The following PTGDR variants were observed in gnomAD, a reference collection of about 807,000 sequenced individuals.
PTGDR encodes PGD2 receptor.
In PTGDR, 19 loss-of-function variants were observed where a neutral mutation model predicts 17.4. That is an observed-to-expected ratio of 1.09 (90% CI 0.76 to 1.60). PTGDR has a LOEUF of 1.60. Ranked by LOEUF, PTGDR falls within the 40% of genes most tolerant of loss-of-function variation. PTGDR has a pLI of 0.00. For synonymous variants in PTGDR, 267 were observed against 224.2 expected (o/e 1.19, Z -1.71); for missense variants, 526 against 481.9 (o/e 1.09, Z -0.86).
At chr14:52,279,827 C>T (rs1006014879), downstream of PTGDR, among the ~76,000 whole-genome samples, 6 of 150,820 alleles carry the variant, frequency 4.0e-5, no homozygotes, top group Non-Finnish European at 7.4e-5. Flanking sequence ...TGTTTAGAAC[C>T]GATCATGCTC....
chr14:52,277,555 C>T (rs1315387359), downstream of PTGDR, among the ~76,000 whole-genome samples: 1 of 152,186 alleles, frequency 6.6e-6, no homozygotes, highest in African/African-American at 2.4e-5. Flanking sequence ...GTTCCCCTGG[C>T]GAGTTCGTAA....
At chr14:52,279,122 T>C (rs1373319929), downstream of PTGDR, among the ~76,000 whole-genome samples, 1 of 152,120 alleles carries the variant, frequency 6.6e-6, no homozygotes, top group Non-Finnish European at 1.5e-5. Context: ...ATACTATAAA[T>C]ATATTGAATA....
downstream of PTGDR, among the ~76,000 whole-genome samples, chr14:52,277,153 G>T (rs1377374423): frequency 6.6e-6 from 1 of 152,236 alleles, no homozygotes; most frequent in Non-Finnish European, 1.5e-5. Flanking sequence ...TGGTTCATGA[G>T]TTGCTCGTTG....
chr14:52,268,753 C>T, intron 1 of PTGDR, 93 bp downstream of exon 1: 4 of 1,363,276 alleles, frequency 2.9e-6, no homozygotes, highest in African/African-American at 1.5e-5. Context: ...ATGGACGCGG[C>T]GCCAGGCGAG....
chr14:52,271,528 TGTG>T (rs1268370935), intron 1 of PTGDR, among the ~76,000 whole-genome samples: 4 of 152,136 alleles, frequency 2.6e-5, no homozygotes, highest in Non-Finnish European at 5.9e-5. Context: ...ACAAGGAAAA[TGTG>T]GGGATTTCAC....
rs894496594 is a variant in PTGDR, at chr14:52,276,154, C to T, written c.*1190C>T. ...GACTGAAAGGGAAAAGTGGAGGAAA[C>T]GCAGCTGCAACTGAAGCGGAGACTC... On this transcript the variant is annotated 3_prime_UTR_variant, in exon 2 of 2. Coordinates refer to ENST00000306051, the MANE Select transcript of PTGDR (RefSeq NM_000953.3). 1.3e-5 allele frequency: 2 copies of T among 152,138 alleles called. No homozygotes were observed. The highest frequency in any genetic ancestry group is 2.9e-5 in the Non-Finnish European group (2 of 68,044). The allele number at this position is 152,138 out of a possible 1,614,324, so 9.4% of individuals were successfully genotyped here.
chr14:52,273,539 C>T (rs192955148), intron 1 of PTGDR, among the ~76,000 whole-genome samples: 11 of 152,262 alleles, frequency 7.2e-5, no homozygotes, highest in Admixed American at 5.9e-4. Context: ...CCTCCGCCCC[C>T]GCCCGACTTC....
Position 52,267,725 on chromosome 14 carries a change from G to A in PTGDR, c.-90G>A, listed in dbSNP as rs369408574. The A allele has an allele frequency of 8.5e-5, 122 of 1,438,548 alleles. No individual in the cohort carries two copies. The East Asian group carries it at 2.0e-3, about 24-fold the overall frequency. 89.1% of individuals were successfully genotyped at this position (1,438,548 alleles called of 1,614,324 possible). ...GGCGCAGCTTCTCCGCCCGAGCCGC[G>A]CGCGGAGCTGCCGGGGGCTCCTTAG... On this transcript the variant is annotated 5_prime_UTR_variant, in exon 1 of 2. Coordinates refer to ENST00000306051, the MANE Select transcript of PTGDR (RefSeq NM_000953.3).
rs41312500 is a variant in PTGDR, at chr14:52,274,678, A to C, written c.847-53A>C. The C allele has an allele frequency of 1.4e-3, 2,045 of 1,431,790 alleles. 26 individuals are homozygous for C. In the African/African-American group the frequency reaches 0.025, roughly 17 times the overall value. 88.7% of individuals were successfully genotyped at this position (1,431,790 alleles called of 1,614,324 possible). ...TAACTTAGGTGAAGTAAGTGAATCC[A>C]TTGCTGCCATTAACCTTTCCACATC... On this transcript the variant is annotated intron_variant, in intron 1 of 1. Transcript: ENST00000306051.
In PTGDR at chr14:52,275,163, C is replaced by T. The variant is rs1358027985; in HGVS notation, c.*199C>T. 3.9e-6 allele frequency: 2 copies of T among 510,718 alleles called. No individual in the cohort carries two copies. The highest frequency in any genetic ancestry group is 6.5e-5 in the East Asian group (2 of 30,568). 31.6% of individuals were successfully genotyped at this position (510,718 alleles called of 1,614,324 possible). On this transcript the variant is annotated 3_prime_UTR_variant, in exon 2 of 2. Transcript: ENST00000306051. ...TCTATAGTCATGAACCCCTTCAGTG[C>T]ATTTTCATTTTTTTATTAACAGCAA...
chr14:52,277,447 C>CAA, downstream of PTGDR, among the ~76,000 whole-genome samples: 1 of 152,142 alleles, frequency 6.6e-6, no homozygotes, highest in Admixed American at 6.5e-5. Flanking sequence ...CAAGGAAATG[C>CAA]AAAAATAAAA....
chr14:52,268,298 G>A lies in PTGDR; in HGVS notation c.484G>A (p.Ala162Thr), dbSNP rs768633584. The A allele has an allele frequency of 1.2e-5, 20 of 1,613,758 alleles. No homozygotes were observed. The highest frequency in any genetic ancestry group is 1.5e-5 in the Non-Finnish European group (18 of 1,180,056). Residue 162 changes from alanine (A) to threonine (T), a missense_variant, in exon 1 of 2, where the codon GCT becomes ACT. Physicochemically the swap from Ala to Thr is moderately conservative, Grantham distance 58 (BLOSUM62 0). Transcript: ENST00000306051. The part of the protein sequence containing the change: ...VAPVVSAFSL[A>T]FCALPFMGFG... ...CCCGGTGGTGAGCGCCTTCTCCCTG[G>A]CTTTCTGCGCGCTACCTTTCATGGG...
At position 52,275,239 on chromosome 14, in the gene PTGDR, TATTA is replaced by T. The variant is rs2033402525; in HGVS notation, c.*279_*282del. 3.3e-6 allele frequency: 1 copy of T among 306,664 alleles called. No individual in the cohort carries two copies. The highest frequency in any genetic ancestry group is 6.1e-6 in the Non-Finnish European group (1 of 165,102). The allele number at this position is 306,664 out of a possible 1,614,324, so 19.0% of individuals were successfully genotyped here. A position where few individuals can be genotyped will look rare whatever the true frequency, so the allele number is the denominator to read the frequency against. ...TGTTAAAAGTCTTAAAAAACAATGG[TATTA>T]ATTGTCCCTACATTTGTGCTTGGTG... On this transcript the variant is annotated 3_prime_UTR_variant, in exon 2 of 2. Transcript: ENST00000306051.
chr14:52,278,783 A>G (rs546042821), downstream of PTGDR, among the ~76,000 whole-genome samples: 1 of 152,296 alleles, frequency 6.6e-6, no homozygotes, highest in East Asian at 1.9e-4. Flanking sequence ...TGCTGCAGAC[A>G]TTTAATTGGG....
chr14:52,273,544 G>A (rs1041145056), intron 1 of PTGDR, among the ~76,000 whole-genome samples: 7 of 152,238 alleles, frequency 4.6e-5, no homozygotes, highest in South Asian at 2.1e-4. Flanking sequence ...GCCCCCGCCC[G>A]ACTTCAGATG....
At chr14:52,269,859 T>C (rs4901265) in intron 1 of PTGDR, among the ~76,000 whole-genome samples, 26,645 of 152,106 alleles carry the variant, frequency 0.18, 2,561 homozygotes, top group Middle Eastern at 0.29. Context: ...CATATAGCAG[T>C]GGTCTTCAGA....
downstream of PTGDR, chr14:52,276,855 CACTT>C (rs1363487780): frequency 2.0e-5 from 3 of 152,098 alleles, no homozygotes; most frequent in Admixed American, 6.6e-5. Flanking sequence ...GTCCGATTAA[CACTT>C]ACATTACTTT....
At chr14:52,269,702 C>G (rs1231081547) in intron 1 of PTGDR, among the ~76,000 whole-genome samples, 1 of 152,110 alleles carries the variant, frequency 6.6e-6, no homozygotes, top group Admixed American at 6.5e-5. Flanking sequence ...AAATACAAAG[C>G]GATTTTCCTT....
chr14:52,270,659 G>A (rs2033307886), intron 1 of PTGDR, among the ~76,000 whole-genome samples: 1 of 151,974 alleles, frequency 6.6e-6, no homozygotes, highest in South Asian at 2.1e-4. Context: ...TTGTCTCTTG[G>A]CCATAAAACC....
Sources: gnomAD v4.1 joint callset for allele counts (sites outside exome capture counted in the v4.1 genomes callset) on GRCh38, gnomAD v4.1.1 for gene constraint, MANE v1.5 for transcripts, NCBI Gene and HGNC (gene_info 2026-07-23, HGNC 2026-07-21) for gene names.